Variants in ST8SIA4 observed in about 807,000 individuals in gnomAD.
ST8SIA4 encodes the protein CMP-N-acetylneuraminate-poly-alpha-2,8-sialyltransferase.
In ST8SIA4, 15 loss-of-function variants were observed where a neutral mutation model predicts 33.9. The ratio of observed to expected loss-of-function variants is 0.44; its 90% CI spans 0.30 to 0.68. The LOEUF is 0.68. Ranked by LOEUF, ST8SIA4 falls within the 30% of genes least tolerant of loss-of-function variation. The pLI, the probability that ST8SIA4 is intolerant of heterozygous loss-of-function variation, is 0.10. For synonymous variants in ST8SIA4, 171 were observed against 151.2 expected (o/e 1.13, Z -0.96); for missense variants, 321 against 428.0 (o/e 0.75, Z 2.21).
Position 100,808,416 on chromosome 5 carries a change from C to T in ST8SIA4, c.*3431G>A, listed in dbSNP as rs1208381349. On this transcript the variant is annotated 3_prime_UTR_variant, in exon 5 of 5. Coordinates refer to ENST00000231461, the MANE Select transcript of ST8SIA4 (RefSeq NM_005668.6). The stretch of plus-strand genomic sequence containing the variant: ...GAATCATTAGATTTGCCAAGAAAAT[C>T]TATTACTTGCTCACTTTTTATTTCA... 2.0e-5 allele frequency: 3 copies of T among 152,628 alleles called. No individual in the cohort carries two copies. Among genetic ancestry groups the T allele is most frequent in the Non-Finnish European group, 4.4e-5 (3 of 68,024 alleles). The allele number at this position is 152,628 out of a possible 1,614,324, so 9.5% of individuals were successfully genotyped here.
intron 1 of ST8SIA4, 41 bp from the exon 2 acceptor site, chr5:100,895,826 A>C: frequency 6.2e-7 from 1 of 1,608,190 alleles, no homozygotes. Flanking sequence ...AAAGTAAGAA[A>C]CATTTTGTGT....
rs577259026 is a variant in ST8SIA4 at position 100,831,424 on chromosome 5, A to G, written c.798-19295T>C. Among the ~76,000 whole-genome samples the G allele has an allele frequency of 9.2e-5, 14 of 152,350 alleles. No individual in the cohort carries two copies. The South Asian group carries it at 2.9e-3, about 32-fold the overall frequency. ...AAAAATACTAAAATTATACCTTGAG[A>G]CATAAAACATTTATCAATTCTAAAA... On this transcript the variant is annotated intron_variant, in intron 4 of 4. Transcript: ENST00000231461.
intron 4 of ST8SIA4, among the ~76,000 whole-genome samples, chr5:100,846,670 C>T (rs1461699993): frequency 6.6e-6 from 1 of 151,800 alleles, no homozygotes; most frequent in Non-Finnish European, 1.5e-5. Context: ...GAGAAAAATC[C>T]ATACCAAGAA....
At chr5:100,862,467 C>T (rs564079211) in intron 3 of ST8SIA4, among the ~76,000 whole-genome samples, 15 of 152,020 alleles carry the variant, frequency 9.9e-5, no homozygotes, top group African/African-American at 2.2e-4. Context: ...GGCGGGATAT[C>T]GGCTCCCTCC....
At chr5:100,849,644 A>C (rs1464604316) in intron 4 of ST8SIA4, among the ~76,000 whole-genome samples, 1 of 150,630 alleles carries the variant, frequency 6.6e-6, no homozygotes, top group African/African-American at 2.4e-5. Context: ...AAAAAAAATT[A>C]GCCGGGCGTG....
intron 1 of ST8SIA4, chr5:100,900,611 C>T (rs1752886513): frequency 2.5e-6 from 1 of 402,116 alleles, no homozygotes; most frequent in South Asian, 1.8e-5. Context: ...GTCTTGGTCT[C>T]TCAGGAGACC....
intron 4 of ST8SIA4, among the ~76,000 whole-genome samples, chr5:100,821,934 C>T (rs954658061): frequency 6.6e-6 from 1 of 152,186 alleles, no homozygotes; most frequent in African/African-American, 2.4e-5. Context: ...CAAGGGCTTT[C>T]CATGAGCATA....
At chr5:100,885,958 A>T in intron 3 of ST8SIA4, 1 of 824,606 alleles carries the variant, frequency 1.2e-6, no homozygotes, top group Non-Finnish European at 1.5e-6. Flanking sequence ...TAAATCTATT[A>T]CATCATTCCA....
chr5:100,874,917 CT>C (rs1272347305), intron 3 of ST8SIA4, among the ~76,000 whole-genome samples: 1 of 152,074 alleles, frequency 6.6e-6, no homozygotes, highest in Non-Finnish European at 1.5e-5. Flanking sequence ...ATCTATCTAT[CT>C]CTATGTTTAC....
intron 4 of ST8SIA4, among the ~76,000 whole-genome samples, chr5:100,855,877 A>C (rs1009431568): frequency 3.9e-5 from 6 of 152,214 alleles, no homozygotes; most frequent in Non-Finnish European, 8.8e-5. Context: ...GAACACACAT[A>C]AATAAGTGCC....
At chr5:100,879,482 A>G (rs1752371833) in intron 3 of ST8SIA4, among the ~76,000 whole-genome samples, 1 of 152,128 alleles carries the variant, frequency 6.6e-6, no homozygotes, top group South Asian at 2.1e-4. Context: ...GAAATAATAG[A>G]GATGTTGTGT....
Position 100,808,718 on chromosome 5 carries a change from G to A in ST8SIA4, c.*3129C>T, listed in dbSNP as rs942037974. The A allele has an allele frequency of 1.2e-4, 19 of 152,540 alleles. No individual in the cohort carries two copies. The highest frequency in any genetic ancestry group is 4.6e-4 in the African/African-American group (19 of 41,414). 9.4% of individuals were successfully genotyped at this position (152,540 alleles called of 1,614,324 possible). On this transcript the variant is annotated 3_prime_UTR_variant, in exon 5 of 5. Transcript: ENST00000231461. The stretch of plus-strand genomic sequence containing the variant: ...CATGATCCTTTATGCTCCGCTATTG[G>A]TTAAATCTCAACTCTTTTTCTTATT...
intron 2 of ST8SIA4, among the ~76,000 whole-genome samples, chr5:100,887,499 C>T (rs1310747564): frequency 6.6e-6 from 1 of 151,926 alleles, no homozygotes; most frequent in East Asian, 1.9e-4. Flanking sequence ...TTTAAGGTTA[C>T]TTTTTTGGTC....
intron 4 of ST8SIA4, among the ~76,000 whole-genome samples, chr5:100,848,321 T>C (rs1016823421): frequency 6.6e-6 from 1 of 151,200 alleles, no homozygotes; most frequent in African/African-American, 2.4e-5. Flanking sequence ...GTAACTTGTA[T>C]AGAATAATAA....
chr5:100,819,549 G>T (rs905165798), intron 4 of ST8SIA4, among the ~76,000 whole-genome samples: 2 of 152,198 alleles, frequency 1.3e-5, no homozygotes, highest in Non-Finnish European at 2.9e-5. Flanking sequence ...ACTGAATTGG[G>T]AAGAGATGGT....
At chr5:100,821,668 C>A (rs1459585080) in intron 4 of ST8SIA4, among the ~76,000 whole-genome samples, 5 of 152,012 alleles carry the variant, frequency 3.3e-5, no homozygotes, top group Non-Finnish European at 7.4e-5. Flanking sequence ...TTCTTGCTAT[C>A]AAAGTACACT....
intron 3 of ST8SIA4, among the ~76,000 whole-genome samples, chr5:100,871,360 A>G (rs969524143): frequency 2.0e-5 from 3 of 152,098 alleles, no homozygotes; most frequent in Non-Finnish European, 4.4e-5. Flanking sequence ...CCCTACTTTT[A>G]GGAATATAGA....
At chr5:100,889,481 T>C (rs1365890417) in intron 2 of ST8SIA4, among the ~76,000 whole-genome samples, 1 of 151,924 alleles carries the variant, frequency 6.6e-6, no homozygotes, top group Non-Finnish European at 1.5e-5. Flanking sequence ...AAAGACTCTG[T>C]AGCTTGGAAA....
intron 4 of ST8SIA4, among the ~76,000 whole-genome samples, chr5:100,827,788 T>G (rs1462439888): frequency 2.0e-5 from 3 of 152,192 alleles, no homozygotes; most frequent in Non-Finnish European, 4.4e-5. Flanking sequence ...GGATGTATCT[T>G]TGTCACTCTA....
Sources: gnomAD v4.1 joint callset for allele counts (sites outside exome capture counted in the v4.1 genomes callset) on GRCh38, gnomAD v4.1.1 for gene constraint, MANE v1.5 for transcripts, NCBI Gene and HGNC (gene_info 2026-07-23, HGNC 2026-07-21) for gene names.